CRY1: variants seen among roughly 807,000 people sequenced by gnomAD.
CRY1 encodes the protein cryptochrome-1.
CRY1 carries 45 observed loss-of-function variants against 76.0 expected under a neutral mutation model. The observed-to-expected ratio is 0.59, with a 90% CI of 0.47 to 0.76. CRY1 has a LOEUF of 0.76. Ranked by LOEUF, CRY1 falls within the 30% of genes least tolerant of loss-of-function variation. The probability of loss-of-function intolerance (pLI) is 0.00; values close to 1 mark genes in which losing one functional copy is unlikely to be tolerated. For missense variants in CRY1, 587 were observed against 716.4 expected (o/e 0.82, Z 2.06); for synonymous variants, 248 against 244.0 (o/e 1.02, Z -0.15).
chr12:107,038,065 C>A (rs1471047886), intron 1 of CRY1, among the ~76,000 whole-genome samples: 1 of 152,050 alleles, frequency 6.6e-6, no homozygotes, highest in Non-Finnish European at 1.5e-5. Context: ...AAGTACCAGG[C>A]AAAGAAAGGG....
chr12:107,092,862 C>G lies in CRY1; in HGVS notation c.100G>C (p.Val34Leu). 3 of 1,611,182 alleles carry G rather than the reference C, an allele frequency of 1.9e-6. No individual in the cohort carries two copies. Among genetic ancestry groups the G allele is most frequent in the Non-Finnish European group, 2.5e-6 (3 of 1,179,672 alleles). The change falls in exon 1 of 13, where the codon GTC becomes CTC. Residue 34 changes from valine (V) to leucine (L), a missense_variant. Coordinates refer to ENST00000008527, the MANE Select transcript of CRY1 (RefSeq NM_004075.5). ...CIQGADTIRCVYILDPWFAGS... is the reference protein window; with the variant it reads ...CIQGADTIRCLYILDPWFAGS... ...GCGAACCAGGGGTCCAGGATGTAGA[C>G]GCAGCGGATGGTGTCGGCGCCCTGA...
intron 3 of CRY1, 123 bp downstream of exon 3, chr12:107,004,982 TA>T: frequency 1.3e-6 from 1 of 783,332 alleles, no homozygotes; most frequent in Non-Finnish European, 1.9e-6. Context: ...TTCTACTTTA[TA>T]AACCTCAGTT....
At chr12:107,021,152 G>A (rs563952196) in intron 2 of CRY1, among the ~76,000 whole-genome samples, 98 of 152,168 alleles carry the variant, frequency 6.4e-4, no homozygotes, top group Non-Finnish European at 1.1e-3. Flanking sequence ...GCATGGTGGC[G>A]TGCGCCAGTA....
chr12:107,019,871 A>G (rs1197957966), intron 2 of CRY1, among the ~76,000 whole-genome samples: 1 of 152,104 alleles, frequency 6.6e-6, no homozygotes, highest in Non-Finnish European at 1.5e-5. Context: ...ATGAGCTACA[A>G]TGGCACCACT....
At chr12:107,066,541 G>A (rs563493397) in intron 1 of CRY1, among the ~76,000 whole-genome samples, 7 of 150,656 alleles carry the variant, frequency 4.6e-5, no homozygotes, top group South Asian at 2.1e-4. Flanking sequence ...CTGCAGCCTC[G>A]ACCTCCCAGG....
chr12:107,049,262 T>C (rs1313533728), intron 1 of CRY1, among the ~76,000 whole-genome samples: 3 of 152,224 alleles, frequency 2.0e-5, no homozygotes, highest in Admixed American at 6.5e-5. Context: ...TCAGTCACCA[T>C]TGTAATTTTC....
chr12:106,998,399 A>T lies in CRY1; in HGVS notation c.1138-333T>A, dbSNP rs146062119. On this transcript the variant is annotated intron_variant, in intron 7 of 12. Transcript: ENST00000008527. ...TATTATTAGTAGACACAGGAAAAGCAGTCAACCACTTTCAAGAAAGCAAAA... is the reference window on the plus strand; with the variant it reads ...TATTATTAGTAGACACAGGAAAAGCTGTCAACCACTTTCAAGAAAGCAAAA... Among the ~76,000 whole-genome samples the T allele has an allele frequency of 4.0e-3, 614 of 152,348 alleles. 1 individual carries two copies. The highest frequency in any genetic ancestry group is 0.014 in the African/African-American group (587 of 41,580).
At chr12:107,044,492 T>C (rs1952829880) in intron 1 of CRY1, among the ~76,000 whole-genome samples, 1 of 152,166 alleles carries the variant, frequency 6.6e-6, no homozygotes, top group Non-Finnish European at 1.5e-5. Flanking sequence ...CCTTTCCAAA[T>C]GGCACACTAA....
chr12:107,070,636 G>A (rs1185332830), intron 1 of CRY1, among the ~76,000 whole-genome samples: 1 of 151,492 alleles, frequency 6.6e-6, no homozygotes, highest in Non-Finnish European at 1.5e-5. Context: ...AATAAAAATT[G>A]TATCTAGCCA....
intron 1 of CRY1, among the ~76,000 whole-genome samples, chr12:107,034,820 A>G (rs1952715748): frequency 6.6e-6 from 1 of 152,182 alleles, no homozygotes; most frequent in Admixed American, 6.5e-5. Context: ...GAAAAAAATA[A>G]ATACATAAAT....
chr12:107,016,084 T>G (rs766062808), intron 2 of CRY1, among the ~76,000 whole-genome samples: 1 of 152,160 alleles, frequency 6.6e-6, no homozygotes, highest in South Asian at 2.1e-4. Context: ...CAAAGGCAGG[T>G]AGACCACTTA....
intron 1 of CRY1, among the ~76,000 whole-genome samples, chr12:107,046,730 G>A (rs1479368100): frequency 1.3e-5 from 2 of 151,908 alleles, no homozygotes; most frequent in African/African-American, 4.8e-5. Flanking sequence ...AAGCAAAAAG[G>A]AATAGCAATA....
At chr12:107,031,629 A>C (rs1056751046) in intron 1 of CRY1, among the ~76,000 whole-genome samples, 1 of 152,204 alleles carries the variant, frequency 6.6e-6, no homozygotes, top group African/African-American at 2.4e-5. Flanking sequence ...ACTCTGACTT[A>C]ATGTGATGAG....
At chr12:107,004,282 AATC>A (rs1408077883) in intron 3 of CRY1, among the ~76,000 whole-genome samples, 1 of 152,222 alleles carries the variant, frequency 6.6e-6, no homozygotes, top group Non-Finnish European at 1.5e-5. Context: ...GTCTGAATCA[AATC>A]ATGATTTTTT....
chr12:107,050,372 A>T (rs1324611088), intron 1 of CRY1: 1 of 152,280 alleles, frequency 6.6e-6, no homozygotes, highest in Admixed American at 6.5e-5. Context: ...AGGTGGGCCT[A>T]GGGGGGAGCC....
chr12:107,020,040 T>C (rs190074086), intron 2 of CRY1, among the ~76,000 whole-genome samples: 5 of 152,350 alleles, frequency 3.3e-5, no homozygotes, highest in African/African-American at 4.8e-5. Context: ...GAGTTGCTGA[T>C]AGATTATTAT....
chr12:107,026,166 T>C (rs1033112954), intron 1 of CRY1, among the ~76,000 whole-genome samples: 27 of 20,586 alleles, frequency 1.3e-3, no homozygotes, highest in Middle Eastern at 0.036. Context: ...AAAATATATA[T>C]ATATATATTA....
intron 1 of CRY1, among the ~76,000 whole-genome samples, chr12:107,054,263 A>G (rs1425052819): frequency 2.0e-5 from 3 of 152,128 alleles, no homozygotes; most frequent in Admixed American, 6.5e-5. Flanking sequence ...TATCTAATAA[A>G]TAGACAAAAT....
At chr12:107,081,046 G>A (rs982061815) in intron 1 of CRY1, among the ~76,000 whole-genome samples, 3 of 152,014 alleles carry the variant, frequency 2.0e-5, no homozygotes, top group African/African-American at 7.2e-5. Flanking sequence ...TCTTTGAAAT[G>A]GAGCACAGAA....
Sources: allele counts gnomAD v4.1 joint callset (sites outside exome capture counted in the v4.1 genomes callset), GRCh38; gene constraint gnomAD v4.1.1; transcripts MANE v1.5; gene names NCBI Gene and HGNC (gene_info 2026-07-23, HGNC 2026-07-21).